The following AGMO variants were observed in gnomAD, a reference collection of about 807,000 sequenced individuals.
AGMO encodes alkylglycerol monooxygenase, also known as glyceryl-ether monooxygenase.
A neutral mutation model predicts 60.2 loss-of-function variants in AGMO; 75 were observed. The ratio of observed to expected loss-of-function variants is 1.25; its 90% confidence interval spans 1.03 to 1.51. The LOEUF is 1.51. AGMO is among the 40% of genes most tolerant of loss of function. The pLI is 0.00. For synonymous variants in AGMO, 261 were observed against 177.1 expected (o/e 1.47, Z -3.76); for missense variants, 763 against 525.5 (o/e 1.45, Z -4.42).
intron 12 of AGMO, among the ~76,000 whole-genome samples, chr7:15,331,870 G>A (rs963772605): frequency 6.6e-6 from 1 of 151,622 alleles, no homozygotes; most frequent in East Asian, 1.9e-4. Flanking sequence ...AGGTTGCAGT[G>A]AGCCAAGATC....
intron 12 of AGMO, among the ~76,000 whole-genome samples, chr7:15,222,654 G>T (rs1303642086): frequency 6.6e-6 from 1 of 151,886 alleles, no homozygotes; most frequent in African/African-American, 2.4e-5. Context: ...TCTTTATAAT[G>T]AACATTTTCA....
intron 10 of AGMO, among the ~76,000 whole-genome samples, chr7:15,374,862 G>C (rs1316016610): frequency 6.6e-6 from 1 of 152,064 alleles, no homozygotes; most frequent in Non-Finnish European, 1.5e-5. Context: ...GTTATGCATA[G>C]AGAACCCTAA....
intron 10 of AGMO, among the ~76,000 whole-genome samples, chr7:15,376,186 C>CT (rs34597092): frequency 1.2e-4 from 18 of 151,676 alleles, no homozygotes; most frequent in South Asian, 2.1e-4. Flanking sequence ...GCCCACATTC[C>CT]TTTTTTTTCC....
At chr7:15,317,524 TAA>T (rs915882086) in intron 12 of AGMO, among the ~76,000 whole-genome samples, 4 of 152,124 alleles carry the variant, frequency 2.6e-5, no homozygotes, top group African/African-American at 9.7e-5. Context: ...CACCTCGTAA[TAA>T]GAGAAGTGTC....
intron 12 of AGMO, among the ~76,000 whole-genome samples, chr7:15,270,024 T>C (rs896013027): frequency 3.3e-5 from 5 of 152,066 alleles, no homozygotes; most frequent in Non-Finnish European, 5.9e-5. Flanking sequence ...ATGGGCATCT[T>C]AGTTAATTCT....
chr7:15,240,339 T>C (rs1782553414), intron 12 of AGMO, among the ~76,000 whole-genome samples: 1 of 152,204 alleles, frequency 6.6e-6, no homozygotes, highest in Non-Finnish European at 1.5e-5. Flanking sequence ...GAAATTTAAA[T>C]TTAATTGAGC....
intron 12 of AGMO, among the ~76,000 whole-genome samples, chr7:15,294,974 T>C (rs895484356): frequency 5.3e-5 from 8 of 151,842 alleles, no homozygotes; most frequent in Admixed American, 3.9e-4. Flanking sequence ...AATTAAAAAT[T>C]ATGGAAGAAA....
At chr7:15,185,047 A>C in the AGMO span, among the ~76,000 whole-genome samples, 1 of 152,208 alleles carries the variant, frequency 6.6e-6, no homozygotes, top group Non-Finnish European at 1.5e-5. Context: ...CACCGATAAT[A>C]AAATAAAAAT....
At chr7:15,410,917 C>T (rs1031177266) in intron 5 of AGMO, among the ~76,000 whole-genome samples, 1 of 151,850 alleles carries the variant, frequency 6.6e-6, no homozygotes, top group Non-Finnish European at 1.5e-5. Context: ...TTAATCCTCA[C>T]AACAATGTAT....
intron 3 of AGMO, among the ~76,000 whole-genome samples, chr7:15,465,147 G>A (rs1782246672): frequency 6.6e-6 from 1 of 151,926 alleles, no homozygotes; most frequent in Admixed American, 6.6e-5. Flanking sequence ...TTGTTTTTGA[G>A]TAGCCTTTAT....
At chr7:15,444,246 T>C (rs1328201074) in intron 3 of AGMO, among the ~76,000 whole-genome samples, 1 of 152,234 alleles carries the variant, frequency 6.6e-6, no homozygotes, top group African/African-American at 2.4e-5. Context: ...ATACATGTAT[T>C]TTTGTTAGCA....
At chr7:15,417,019 T>C (rs1171651518) in intron 5 of AGMO, among the ~76,000 whole-genome samples, 1 of 152,220 alleles carries the variant, frequency 6.6e-6, no homozygotes, top group East Asian at 1.9e-4. Context: ...CTATTCTATG[T>C]TGTGTATAAT....
Position 15,266,838 on chromosome 7 carries a change from A to G in AGMO, c.1264-65479T>C, listed in dbSNP as rs113971819. 9.0e-3 allele frequency among the ~76,000 whole-genome samples: 1,375 copies of G among 152,006 alleles called. 17 individuals carry two copies. Among genetic ancestry groups the G allele is most frequent in the African/African-American group, 0.031 (1,275 of 41,484 alleles). ...TCTGACTGGTGCAACAAAAATATTC[A>G]GATGACATCACCTAATATTTACAGA... On this transcript the variant is annotated intron_variant, in intron 12 of 12. Transcript: ENST00000342526.
chr7:15,398,102 C>T (rs35459650), intron 5 of AGMO, among the ~76,000 whole-genome samples: 53,903 of 151,912 alleles, frequency 0.35, 9,927 homozygotes, highest in African/African-American at 0.45. Context: ...CTTTGGTGCC[C>T]AACATGTGTT....
rs563648573 is a variant in AGMO at position 15,328,932 on chromosome 7, T to C, written c.1263+36582A>G. ...TCCATACCAGGTCTTGGAAGCATCC[T>C]TGCCCTCTACCTGAACCTGAACTCC... On this transcript the variant is annotated intron_variant, in intron 12 of 12. Transcript: ENST00000342526. Among the ~76,000 whole-genome samples, 19 of 152,280 alleles carry C rather than the reference T, an allele frequency of 1.2e-4. 2 individuals carry two copies. In the East Asian group the frequency reaches 3.3e-3, roughly 26 times the overall value.
chr7:15,493,362 C>CACACACACACACACAT lies in AGMO; in HGVS notation c.409+51409_409+51410insATGTGTGTGTGTGTGT, dbSNP rs71004386. ...ACACACACACACACACACACACACA[C>CACACACACACACACAT]TTCTTTTTTTTTTTTTTTTTTTTTT... On this transcript the variant is annotated intron_variant, in intron 3 of 12. Transcript: ENST00000342526. Among the ~76,000 whole-genome samples the CACACACACACACACAT allele has an allele frequency of 7.1e-3, 728 of 102,240 alleles. 18 individuals are homozygous for CACACACACACACACAT. Among genetic ancestry groups the CACACACACACACACAT allele is most frequent in the African/African-American group, 0.027 (682 of 24,936 alleles). 67.1% of individuals were successfully genotyped at this position (102,240 alleles called of 152,430 possible).
intron 3 of AGMO, among the ~76,000 whole-genome samples, chr7:15,470,270 C>T (rs1042384173): frequency 6.6e-6 from 1 of 151,946 alleles, no homozygotes; most frequent in Non-Finnish European, 1.5e-5. Context: ...GTTTCTGGTA[C>T]ACTGCTGGAA....
chr7:15,124,155 G>A, the AGMO span, among the ~76,000 whole-genome samples: 1 of 152,088 alleles, frequency 6.6e-6, no homozygotes, highest in Admixed American at 6.6e-5. Context: ...GCACTAAAAG[G>A]CAGGCAAAAC....
intron 4 of AGMO, among the ~76,000 whole-genome samples, chr7:15,429,984 G>C (rs1283342230): frequency 7.2e-6 from 1 of 138,096 alleles, no homozygotes; most frequent in African/African-American, 2.7e-5. Context: ...AAGATCAGGG[G>C]TCCTGGAACA....
Sources: gnomAD v4.1 joint callset for allele counts (sites outside exome capture counted in the v4.1 genomes callset) on GRCh38, gnomAD v4.1.1 for gene constraint, MANE v1.5 for transcripts, NCBI Gene and HGNC (gene_info 2026-07-23, HGNC 2026-07-21) for gene names.